The following SGCD variants were observed in gnomAD, a reference collection of about 807,000 sequenced individuals.
SGCD encodes the protein delta-sarcoglycan.
A neutral mutation model predicts 36.6 loss-of-function variants in SGCD; 18 were observed. The observed-to-expected ratio is 0.49, with a 90% CI of 0.34 to 0.73. SGCD has a LOEUF of 0.73. Among genes scored for constraint, SGCD ranks in the 30% least tolerant of loss-of-function variants. SGCD has a pLI of 0.01. For synonymous variants in SGCD, 133 were observed against 130.6 expected, an observed-to-expected ratio of 1.02 and a Z score of -0.12; for missense variants, 387 against 346.7, an observed-to-expected ratio of 1.12 and a Z score of -0.92.
intron 1 of SGCD, among the ~76,000 whole-genome samples, chr5:155,993,803 A>C (rs1581032061): frequency 6.6e-6 from 1 of 152,146 alleles, no homozygotes; most frequent in Admixed American, 6.5e-5. Context: ...TGAGCCCTAG[A>C]ACAAGCTTCC....
intron 3 of SGCD, among the ~76,000 whole-genome samples, chr5:156,141,710 A>G (rs1264264770): frequency 6.6e-6 from 1 of 152,206 alleles, no homozygotes; most frequent in Non-Finnish European, 1.5e-5. Context: ...GTTTGAATTT[A>G]CATATCCAGA....
chr5:156,463,939 G>A (rs1282624836), intron 3 of SGCD, among the ~76,000 whole-genome samples: 1 of 152,150 alleles, frequency 6.6e-6, no homozygotes, highest in East Asian at 1.9e-4. Context: ...CTGAGTAACA[G>A]AGCAAGACCC....
intron 6 of SGCD, among the ~76,000 whole-genome samples, chr5:156,597,949 G>A (rs1247830219): frequency 6.6e-6 from 1 of 152,006 alleles, no homozygotes; most frequent in Non-Finnish European, 1.5e-5. Context: ...TTCACAACCT[G>A]GCATGTTGGA....
chr5:156,353,722 G>A (rs1769365959), intron 3 of SGCD, among the ~76,000 whole-genome samples: 2 of 152,134 alleles, frequency 1.3e-5, no homozygotes, highest in Admixed American at 1.3e-4. Flanking sequence ...TAATCCATTA[G>A]CTCAATCCAT....
At chr5:155,960,106 T>C (rs1393867211) in intron 1 of SGCD, among the ~76,000 whole-genome samples, 4 of 152,064 alleles carry the variant, frequency 2.6e-5, no homozygotes, top group Non-Finnish European at 5.9e-5. Context: ...AAGACATGAC[T>C]TTGTCTTCTC....
chr5:155,856,426 A>T, the SGCD span, among the ~76,000 whole-genome samples: 14,801 of 152,204 alleles, frequency 0.097, 865 homozygotes, highest in South Asian at 0.2. Flanking sequence ...CTGCCTAAAA[A>T]CTCTAAAGAC....
At chr5:155,967,086 T>A (rs926170442) in intron 1 of SGCD, among the ~76,000 whole-genome samples, 1 of 151,764 alleles carries the variant, frequency 6.6e-6, no homozygotes, top group African/African-American at 2.4e-5. Flanking sequence ...CTAGCAGGCA[T>A]TTTTTTTCCG....
intron 1 of SGCD, among the ~76,000 whole-genome samples, chr5:155,910,771 CA>C (rs1397012561): frequency 6.6e-6 from 1 of 151,998 alleles, no homozygotes; most frequent in African/African-American, 2.4e-5. Context: ...ATCATGTACA[CA>C]AAAAAATTCC....
At chr5:155,866,876 CTT>C (rs1755534954), upstream of SGCD, among the ~76,000 whole-genome samples, 1 of 152,122 alleles carries the variant, frequency 6.6e-6, no homozygotes, top group African/African-American at 2.4e-5. Context: ...CAATGGTAGA[CTT>C]TATGGAGAAC....
At chr5:156,617,563 C>T (rs1053387300) in intron 6 of SGCD, among the ~76,000 whole-genome samples, 1 of 152,156 alleles carries the variant, frequency 6.6e-6, no homozygotes. Context: ...GGAGTTTGAC[C>T]TCTGCCTTGG....
At chr5:155,794,051 C>A in the SGCD span, among the ~76,000 whole-genome samples, 1 of 150,968 alleles carries the variant, frequency 6.6e-6, no homozygotes, top group South Asian at 2.1e-4. Flanking sequence ...GTGTTGAAGA[C>A]ATGCTAGGAT....
rs146307913 is a variant in SGCD, at chr5:156,222,213, TAGA to T, written c.-44+98200_-44+98202del. Among the ~76,000 whole-genome samples the T allele has an allele frequency of 2.0e-4, 31 of 152,160 alleles. No homozygotes were observed. In the East Asian group the frequency reaches 5.6e-3, roughly 27 times the overall value. On this transcript the variant is annotated intron_variant, in intron 3 of 9. Transcript: ENST00000517913. ...CTCAGACATATATACAAAAGTCAAGTAGAAGAAGTTCCCATGAGGGACAGGATA... is the reference window on the plus strand; with the variant it reads ...CTCAGACATATATACAAAAGTCAAGTAGAAGTTCCCATGAGGGACAGGATA...
the SGCD span, among the ~76,000 whole-genome samples, chr5:155,832,925 AAGTC>A: frequency 2.6e-5 from 4 of 152,006 alleles, no homozygotes; most frequent in Admixed American, 6.6e-5. Flanking sequence ...GTTTTTAAGA[AAGTC>A]AGGGCTGGGC....
At chr5:155,889,807 AC>A (rs1291315901) in intron 1 of SGCD, among the ~76,000 whole-genome samples, 1 of 152,110 alleles carries the variant, frequency 6.6e-6, no homozygotes, top group East Asian at 1.9e-4. Context: ...GGTCCATGTG[AC>A]TGTGCCGCAT....
chr5:156,218,954 C>A (rs1171766896), intron 3 of SGCD, among the ~76,000 whole-genome samples: 1 of 152,150 alleles, frequency 6.6e-6, no homozygotes, highest in Non-Finnish European at 1.5e-5. Context: ...CCTATCCAGT[C>A]ATTTTTTTAC....
At chr5:156,527,586 C>T in intron 4 of SGCD, among the ~76,000 whole-genome samples, 1 of 152,198 alleles carries the variant, frequency 6.6e-6, no homozygotes, top group East Asian at 1.9e-4. Flanking sequence ...GAGCAAGTTA[C>T]TTCTCTTCAT....
intron 3 of SGCD, among the ~76,000 whole-genome samples, chr5:156,234,121 C>T (rs1199921274): frequency 2.6e-5 from 4 of 152,146 alleles, no homozygotes; most frequent in African/African-American, 9.6e-5. Flanking sequence ...GTATCAATTC[C>T]CTAATGACAT....
intron 1 of SGCD, among the ~76,000 whole-genome samples, chr5:156,092,872 GTTC>G (rs1385087692): frequency 6.6e-6 from 1 of 152,178 alleles, no homozygotes; most frequent in Non-Finnish European, 1.5e-5. Flanking sequence ...AAGTTTTATT[GTTC>G]TTACAACTCC....
chr5:155,893,983 A>G (rs754377906), intron 1 of SGCD, among the ~76,000 whole-genome samples: 1 of 152,222 alleles, frequency 6.6e-6, no homozygotes, highest in Non-Finnish European at 1.5e-5. Context: ...TACAATAAAA[A>G]TATGGTATAA....
Sources: allele counts gnomAD v4.1 joint callset (sites outside exome capture counted in the v4.1 genomes callset), GRCh38; gene constraint gnomAD v4.1.1; transcripts MANE v1.5; gene names NCBI Gene and HGNC (gene_info 2026-07-23, HGNC 2026-07-21).